CCBE1: variants seen among roughly 807,000 people sequenced by gnomAD.
CCBE1 encodes the protein collagen and calcium binding EGF domains 1.
Under a neutral mutation model 50.0 loss-of-function variants are expected in CCBE1, and 37 were observed. The ratio of observed to expected loss-of-function variants is 0.74; its 90% confidence interval spans 0.57 to 0.97. The LOEUF (loss-of-function observed/expected upper bound fraction) is 0.97. CCBE1 is among the 50% of genes least tolerant of loss of function. The pLI, the probability that CCBE1 is intolerant of heterozygous loss-of-function variation, is 0.00. For missense variants in CCBE1, 538 were observed against 523.8 expected (o/e 1.03, Z -0.26); for synonymous variants, 234 against 203.7 (o/e 1.15, Z -1.27).
intron 2 of CCBE1, among the ~76,000 whole-genome samples, chr18:59,541,375 C>A (rs757029331): frequency 1.3e-4 from 20 of 152,020 alleles, no homozygotes; most frequent in Non-Finnish European, 2.8e-4. Flanking sequence ...CAAACATAGG[C>A]AAAAAATTCT....
intron 2 of CCBE1, among the ~76,000 whole-genome samples, chr18:59,591,485 C>T (rs7239143): frequency 0.011 from 1,666 of 152,226 alleles, 23 homozygotes; most frequent in East Asian, 0.032. Flanking sequence ...ACATATATCA[C>T]ATATACATCG....
intron 2 of CCBE1, 194 bp downstream of exon 2, chr18:59,696,435 A>G (rs2054804507): frequency 1.4e-6 from 2 of 1,400,564 alleles, no homozygotes; most frequent in Admixed American, 2.4e-5. Flanking sequence ...ACGCAAAGTC[A>G]GTTGCTCAGT....
intron 5 of CCBE1, among the ~76,000 whole-genome samples, chr18:59,459,742 C>T (rs894357360): frequency 2.0e-5 from 3 of 152,186 alleles, no homozygotes; most frequent in Non-Finnish European, 4.4e-5. Context: ...TGTGTTCTGG[C>T]TGTAATATCC....
At chr18:59,674,845 T>C (rs2054478519) in intron 2 of CCBE1, among the ~76,000 whole-genome samples, 1 of 152,164 alleles carries the variant, frequency 6.6e-6, no homozygotes, top group African/African-American at 2.4e-5. Context: ...GTCTATAAAA[T>C]TTCAAATTTA....
At chr18:59,684,181 T>C (rs1177206557) in intron 2 of CCBE1, among the ~76,000 whole-genome samples, 2 of 152,126 alleles carry the variant, frequency 1.3e-5, no homozygotes, top group Admixed American at 1.3e-4. Context: ...TCATGCCTTA[T>C]CATTAAATCT....
At chr18:59,470,185 G>A (rs757059624) in intron 3 of CCBE1, among the ~76,000 whole-genome samples, 3 of 152,194 alleles carry the variant, frequency 2.0e-5, no homozygotes, top group Non-Finnish European at 4.4e-5. Flanking sequence ...TAGCTGGGGA[G>A]GCATCACAAT....
chr18:59,678,169 G>A (rs1006123950), intron 2 of CCBE1, among the ~76,000 whole-genome samples: 1 of 152,140 alleles, frequency 6.6e-6, no homozygotes, highest in Non-Finnish European at 1.5e-5. Context: ...ATAGAAGGAG[G>A]GGGGAGGACT....
chr18:59,468,153 C>G (rs1318446881), intron 4 of CCBE1, among the ~76,000 whole-genome samples: 2 of 152,106 alleles, frequency 1.3e-5, no homozygotes, highest in Non-Finnish European at 2.9e-5. Flanking sequence ...TTTGGGGGGG[C>G]CAAGACAGGA....
At chr18:59,656,787 T>C (rs1237022284) in intron 2 of CCBE1, among the ~76,000 whole-genome samples, 1 of 152,242 alleles carries the variant, frequency 6.6e-6, no homozygotes, top group African/African-American at 2.4e-5. Context: ...CTCAGTATTA[T>C]CTTACACTAA....
At chr18:59,565,755 A>T (rs1430504890) in intron 2 of CCBE1, among the ~76,000 whole-genome samples, 2 of 147,478 alleles carry the variant, frequency 1.4e-5, no homozygotes, top group African/African-American at 5.0e-5. Context: ...TTGTCACTAG[A>T]TTTTTTTTTT....
chr18:59,669,220 C>T (rs578150775), intron 2 of CCBE1, among the ~76,000 whole-genome samples: 1 of 152,220 alleles, frequency 6.6e-6, no homozygotes, highest in Admixed American at 6.5e-5. Flanking sequence ...CCTCCGCCAG[C>T]CTTCCCCTCT....
chr18:59,491,698 C>T (rs1035717328), intron 2 of CCBE1, among the ~76,000 whole-genome samples: 5 of 151,710 alleles, frequency 3.3e-5, no homozygotes, highest in African/African-American at 1.2e-4. Flanking sequence ...CCTGTAGTCC[C>T]AGCTACTCGG....
At chr18:59,459,807 T>C (rs1204182099) in intron 5 of CCBE1, among the ~76,000 whole-genome samples, 1 of 152,170 alleles carries the variant, frequency 6.6e-6, no homozygotes. Context: ...TGAATTCTGC[T>C]GCACACCACC....
intron 2 of CCBE1, among the ~76,000 whole-genome samples, chr18:59,505,580 G>A (rs536094545): frequency 1.3e-5 from 2 of 152,320 alleles, no homozygotes; most frequent in South Asian, 2.1e-4. Context: ...GAGAAAGGGA[G>A]ACTTGGAGAA....
At chr18:59,668,528 T>A (rs1434192527) in intron 2 of CCBE1, among the ~76,000 whole-genome samples, 1 of 152,158 alleles carries the variant, frequency 6.6e-6, no homozygotes, top group Admixed American at 6.5e-5. Context: ...ATCATAAGCA[T>A]ATTTTCATCT....
chr18:59,433,154 C>G lies in CCBE1; in HGVS notation c.*2754G>C, dbSNP rs910837879. The G allele has an allele frequency of 6.6e-6, 1 of 152,000 alleles. No individual in the cohort carries two copies. The highest frequency in any genetic ancestry group is 1.5e-5 in the Non-Finnish European group (1 of 68,002). The allele number at this position is 152,000 out of a possible 1,614,324, so 9.4% of individuals were successfully genotyped here. A position where few individuals can be genotyped will look rare whatever the true frequency, so the allele number is the denominator to read the frequency against. On this transcript the variant is annotated 3_prime_UTR_variant, in exon 11 of 11. Transcript: ENST00000439986. The stretch of plus-strand genomic sequence containing the variant: ...AGGAAAGATGCTAGATAAAGAGCAC[C>G]CCACCCTAAAAAGAAATTTTTTCTT...
In CCBE1 at chr18:59,615,371, C is replaced by T. The variant is rs150151548; in HGVS notation, c.212+81258G>A. 2.1e-3 allele frequency among the ~76,000 whole-genome samples: 319 copies of T among 152,324 alleles called. 1 individual carries two copies. The highest frequency in any genetic ancestry group is 3.1e-3 in the Non-Finnish European group (208 of 68,030). On this transcript the variant is annotated intron_variant, in intron 2 of 10. Coordinates refer to ENST00000439986, the MANE Select transcript of CCBE1 (RefSeq NM_133459.4). ...CCTAACACCATGCTCATTCGCGCTG[C>T]GTAATTTCACCCACACAATTCTTTC...
At chr18:59,612,127 T>C (rs897794076) in intron 2 of CCBE1, among the ~76,000 whole-genome samples, 1 of 152,142 alleles carries the variant, frequency 6.6e-6, no homozygotes, top group African/African-American at 2.4e-5. Context: ...TTGCACATTT[T>C]TGAACAGGTT....
At chr18:59,436,373 C>T (rs1253133046) in intron 10 of CCBE1, among the ~76,000 whole-genome samples, 1 of 152,178 alleles carries the variant, frequency 6.6e-6, no homozygotes, top group Non-Finnish European at 1.5e-5. Flanking sequence ...CCTCCTAACG[C>T]TTTATCAAAT....
Sources: gnomAD v4.1 joint callset for allele counts (sites outside exome capture counted in the v4.1 genomes callset) on GRCh38, gnomAD v4.1.1 for gene constraint, MANE v1.5 for transcripts, NCBI Gene and HGNC (gene_info 2026-07-23, HGNC 2026-07-21) for gene names.